Variants in SRA1 observed in about 807,000 individuals in gnomAD.
SRA1 encodes lncRNA SRA.
SRA1 carries 25 observed loss-of-function variants against 24.3 expected under a neutral mutation model. The ratio of observed to expected loss-of-function variants is 1.03; its 90% CI spans 0.75 to 1.43. SRA1 has a LOEUF of 1.43. Among genes scored for constraint, SRA1 ranks in the 40% most tolerant of loss-of-function variants. SRA1 has a pLI of 0.00. For missense variants in SRA1, 303 were observed against 286.6 expected, an observed-to-expected ratio of 1.06 and a Z score of -0.41; for synonymous variants, 104 against 109.5, an observed-to-expected ratio of 0.95 and a Z score of 0.31.
chr5:140,557,521 G>A (rs1443783536), upstream of SRA1: 17 of 1,515,858 alleles, frequency 1.1e-5, no homozygotes, highest in Non-Finnish European at 1.4e-5. Flanking sequence ...GGCCAGTTGA[G>A]ACACGTCCAG....
Position 140,552,015 on chromosome 5 carries a change from TTC to T in SRA1, c.319_320del (p.Glu107ThrfsTer16), listed in dbSNP as rs1211631039. 1 of 1,611,272 alleles carries T rather than the reference TTC, an allele frequency of 6.2e-7. No homozygotes were observed. Among genetic ancestry groups the T allele is most frequent in the Non-Finnish European group, 8.5e-7 (1 of 1,178,908 alleles). On this transcript the variant is annotated frameshift_variant, in exon 3 of 5. Coordinates refer to ENST00000336283, the MANE Select transcript of SRA1 (RefSeq NM_001035235.4). LOFTEE classifies it high-confidence loss of function. ...AVMEDVLRPLEQALEDCRGHT... is the reference protein window; with the variant it reads ...AVMEDVLRPLXQALEDCRGHT... ...GGCCACGGCAGTCTTCCAATGCCTG[TTC>T]CAAAGGTCTCAGCACATCCTCCATC...
chr5:140,553,567 C>T (rs1754619127), intron 2 of SRA1, among the ~76,000 whole-genome samples: 5 of 152,144 alleles, frequency 3.3e-5, no homozygotes, highest in Admixed American at 3.3e-4. Flanking sequence ...GAGAGGTAAG[C>T]AGAGGGTCCA....
At chr5:140,557,689 A>G (rs997302136), upstream of SRA1, 2 of 588,838 alleles carry the variant, frequency 3.4e-6, no homozygotes, top group African/African-American at 3.8e-5. Flanking sequence ...GTTGCTGTCC[A>G]GGAGCCAGTG....
At chr5:140,555,310 G>A (rs528925114) in intron 2 of SRA1, among the ~76,000 whole-genome samples, 2 of 152,086 alleles carry the variant, frequency 1.3e-5, no homozygotes, top group South Asian at 2.1e-4. Flanking sequence ...GCAGTGGTGC[G>A]ATGTCGGCTC....
At chr5:140,555,328 C>A (rs960418241) in intron 2 of SRA1, among the ~76,000 whole-genome samples, 1 of 151,690 alleles carries the variant, frequency 6.6e-6, no homozygotes, top group Non-Finnish European at 1.5e-5. Flanking sequence ...CTCACTGCAA[C>A]CTCCGCCTCC....
Position 140,550,623 on chromosome 5 carries a change from TG to T in SRA1, c.*76del. ...AGGCCCAGTGGGACAGTCTTGGTGGTGGTAAGAAGGGAGCCAAGTGACAGAA... is the reference window on the plus strand; with the variant it reads ...AGGCCCAGTGGGACAGTCTTGGTGGTGTAAGAAGGGAGCCAAGTGACAGAA... On this transcript the variant is annotated 3_prime_UTR_variant, in exon 5 of 5. Coordinates refer to ENST00000336283, the MANE Select transcript of SRA1 (RefSeq NM_001035235.4). The T allele has an allele frequency of 2.8e-6, 4 of 1,425,742 alleles. No homozygotes were observed. Among genetic ancestry groups the T allele is most frequent in the Non-Finnish European group, 4.0e-6 (4 of 1,012,366 alleles). The allele number at this position is 1,425,742 out of a possible 1,614,324, so 88.3% of individuals were successfully genotyped here.
At position 140,557,175 on chromosome 5, in the gene SRA1, G is replaced by A. The variant is rs250426; in HGVS notation, c.123C>T (p.Val41=). The change falls in exon 2 of 5, where the codon GTC becomes GTT. Residue 41 remains valine (V), a synonymous_variant. Transcript: ENST00000336283. ...GPRRSLLTKR[V]AAPQDGSPRV... ...TGGGGGATCCATCCTGGGGTGCGGC[G>A]ACCCTCTTGGTAAGCAGCGAGCGCC... 2,313 of 1,611,436 alleles carry A rather than the reference G, an allele frequency of 1.4e-3. 41 individuals are homozygous for A. In the East Asian group the frequency reaches 0.032, roughly 22 times the overall value.
In SRA1 at chr5:140,552,067, C is replaced by T; in HGVS notation, c.269G>A (p.Ser90Asn). The part of the protein sequence containing the change: ...SGPASGVEPT[S>N]FPVESEAVME... ...CACAGCCTCAGACTCGACTGGGAAA[C>T]TTGTGGGCTCCACGCCAGAGGCAGG... The change falls in exon 3 of 5, where the codon AGT (serine) becomes AAT (asparagine). Residue 90 changes from serine to asparagine, a missense_variant. Coordinates refer to ENST00000336283, the MANE Select transcript of SRA1 (RefSeq NM_001035235.4). The T allele has an allele frequency of 1.9e-6, 3 of 1,614,052 alleles. No homozygotes were observed. The highest frequency in any genetic ancestry group is 2.5e-6 in the Non-Finnish European group (3 of 1,179,990).
Position 140,557,228 on chromosome 5 carries a change from C to G in SRA1, c.70G>C (p.Gly24Arg), listed in dbSNP as rs752797188. ...GGTCCGCCGGCCTGGGTCTGCAGCC[C>G]GTATGAGAACTGCGGCGGGTCGTTC... ...GWNDPPQFSY[G>R]LQTQAGGPRR... Residue 24 changes from glycine to arginine, a missense_variant, in exon 2 of 5, where the codon GGG (glycine) becomes CGG (arginine). By Grantham distance (125) the Gly-to-Arg change is moderately radical (BLOSUM62 -2). Coordinates refer to ENST00000336283, the MANE Select transcript of SRA1 (RefSeq NM_001035235.4). 7 of 1,613,248 alleles carry G rather than the reference C, an allele frequency of 4.3e-6. No homozygotes were observed. The highest frequency in any genetic ancestry group is 5.9e-6 in the Non-Finnish European group (7 of 1,180,010).
At chr5:140,556,935 A>G (rs1350331160) in intron 2 of SRA1, among the ~76,000 whole-genome samples, 7 of 152,172 alleles carry the variant, frequency 4.6e-5, no homozygotes, top group Non-Finnish European at 4.4e-5. Flanking sequence ...AGGATGAAAA[A>G]ATAGTCTTTT....
In SRA1 at chr5:140,552,081, G is replaced by T. The variant is rs139144375; in HGVS notation, c.255C>A (p.Gly85=). Residue 85 remains glycine (G), a synonymous_variant, in exon 3 of 5, where the codon GGC becomes GGA. Transcript: ENST00000336283. ...CGACTGGGAAACTTGTGGGCTCCAC[G>T]CCAGAGGCAGGACCACTCCCCACAG... ...SPPVGSGPAS[G]VEPTSFPVES... The T allele has an allele frequency of 6.2e-7, 1 of 1,613,898 alleles. No homozygotes were observed. Among genetic ancestry groups the T allele is most frequent in the African/African-American group, 1.3e-5 (1 of 75,026 alleles).
chr5:140,553,468 GA>G (rs1219098921), intron 2 of SRA1, among the ~76,000 whole-genome samples: 1 of 152,148 alleles, frequency 6.6e-6, no homozygotes, highest in African/African-American at 2.4e-5. Flanking sequence ...CAAGAAGCAG[GA>G]AAACTTTTGA....
rs774601225 is a variant in SRA1, at chr5:140,557,410, C to G, written c.25+18G>C. 20 of 1,584,574 alleles carry G rather than the reference C, an allele frequency of 1.3e-5. No individual in the cohort carries two copies. The highest frequency in any genetic ancestry group is 1.7e-4 in the Middle Eastern group (1 of 6,032). ...CCGGGGCGACAACCTAGTGCCCTAG[C>G]CCGCCGGCTGCGCTCACCCGGCTTC... On this transcript the variant is annotated intron_variant, in intron 1 of 4. Transcript: ENST00000336283.
chr5:140,551,922 C>T, intron 3 of SRA1, 60 bp downstream of exon 3: 5 of 1,493,970 alleles, frequency 3.3e-6, no homozygotes, highest in Middle Eastern at 2.0e-4. Context: ...CTCTGGGAAC[C>T]ATTCCTGCAT....
At chr5:140,555,816 CCTAAT>C (rs1470010607) in intron 2 of SRA1, among the ~76,000 whole-genome samples, 16 of 152,010 alleles carry the variant, frequency 1.1e-4, no homozygotes, top group Admixed American at 9.8e-4. Context: ...ATGGATTCTT[CCTAAT>C]CTACTCATTC....
intron 2 of SRA1, among the ~76,000 whole-genome samples, chr5:140,555,873 C>A (rs1371309727): frequency 6.6e-6 from 1 of 152,208 alleles, no homozygotes; most frequent in Non-Finnish European, 1.5e-5. Context: ...ACTCCTACCA[C>A]CCTGACTCCC....
At chr5:140,553,780 A>G (rs1226450976) in intron 2 of SRA1, among the ~76,000 whole-genome samples, 3 of 152,220 alleles carry the variant, frequency 2.0e-5, no homozygotes, top group Non-Finnish European at 2.9e-5. Context: ...TAATGCTGGC[A>G]TGGACTAGGG....
At chr5:140,555,401 T>G (rs186872851) in intron 2 of SRA1, among the ~76,000 whole-genome samples, 3 of 152,054 alleles carry the variant, frequency 2.0e-5, no homozygotes, top group Admixed American at 6.5e-5. Context: ...CCCAGCTAAT[T>G]TTTGTATTTT....
chr5:140,552,133 G>A lies in SRA1; in HGVS notation c.203C>T (p.Pro68Leu), dbSNP rs1210131221. The change falls in exon 3 of 5, where the codon CCT (proline) becomes CTT (leucine). Residue 68 changes from proline (P) to leucine (L), a missense_variant. By Grantham distance (98) the Pro-to-Leu change is moderately conservative. Coordinates refer to ENST00000336283, the MANE Select transcript of SRA1 (RefSeq NM_001035235.4). ...TGGGGACCTGGGAGCCTTACTTGAA[G>A]GAGGTGGAGGCCCCATTGGGGGAGG... The part of the protein sequence containing the change: ...PGPPPMGPPP[P>L]SSKAPRSPPV... 6.2e-6 allele frequency: 10 copies of A among 1,612,070 alleles called. No homozygotes were observed. Among genetic ancestry groups the A allele is most frequent in the Admixed American group, 1.7e-5 (1 of 59,630 alleles).
Sources: gnomAD v4.1 joint callset for allele counts (sites outside exome capture counted in the v4.1 genomes callset) on GRCh38, gnomAD v4.1.1 for gene constraint, MANE v1.5 for transcripts, NCBI Gene and HGNC (gene_info 2026-07-23, HGNC 2026-07-21) for gene names.